Variants in ZSCAN32 observed in about 807,000 individuals in gnomAD.
The protein encoded by ZSCAN32 is zinc finger and SCAN domain-containing protein 32.
In ZSCAN32, 52 loss-of-function variants were observed where a neutral mutation model predicts 47.4. The observed-to-expected ratio is 1.10, with a 90% CI of 0.88 to 1.38. The LOEUF is 1.38. Among genes scored for constraint, ZSCAN32 ranks in the 40% most tolerant of loss-of-function variants. ZSCAN32 has a pLI of 0.00. For missense variants in ZSCAN32, 959 were observed against 846.0 expected (o/e 1.13, Z -1.66); for synonymous variants, 346 against 305.7 (o/e 1.13, Z -1.38).
In ZSCAN32 at chr16:3,393,744, G is replaced by A. The variant is rs1414377637; in HGVS notation, c.437C>T (p.Ser146Leu). Residue 146 changes from serine (S) to leucine (L), a missense_variant, in exon 3 of 7, where the codon TCA (serine) becomes TTA (leucine). Physicochemically the swap from Ser to Leu is moderately radical, Grantham distance 145. Transcript: ENST00000396852. ...CTCCTGTTTCCATTGGGATCTCAGT[G>A]ATTCTCTGGTTGCTCCCAAAGGGGC... ...EMAPLGATRE[S>L]LRSQWKQEVQ... 122 of 1,550,318 alleles carry A rather than the reference G, an allele frequency of 7.9e-5. No homozygotes were observed. Among genetic ancestry groups the A allele is most frequent in the Non-Finnish European group, 9.4e-5 (108 of 1,146,942 alleles).
Position 3,390,039 on chromosome 16 carries a change from G to T in ZSCAN32, c.722C>A (p.Thr241Asn). 1 of 1,613,700 alleles carries T rather than the reference G, an allele frequency of 6.2e-7. No individual in the cohort carries two copies. The highest frequency in any genetic ancestry group is 8.5e-7 in the Non-Finnish European group (1 of 1,179,844). ...PAQRALYRGA[T>N]QRKDSHVSLA... ...CGAGACGTGACTGTCCTTCCTCTGG[G>T]TGGCACCCCTGTAGAGGGCCCTTTG... Residue 241 changes from threonine to asparagine, a missense_variant, in exon 5 of 7, where the codon ACC becomes AAC. Thr to Asn is a moderately conservative substitution (Grantham distance 65, BLOSUM62 0). Transcript: ENST00000396852.
At chr16:3,398,444 G>A (rs2033580678) in intron 1 of ZSCAN32, among the ~76,000 whole-genome samples, 1 of 152,212 alleles carries the variant, frequency 6.6e-6, no homozygotes, top group Admixed American at 6.5e-5. Flanking sequence ...TTTCCGGGGA[G>A]GCTGACTTGA....
intron 3 of ZSCAN32, among the ~76,000 whole-genome samples, chr16:3,392,854 T>TA (rs1567318452): frequency 6.6e-6 from 1 of 151,116 alleles, no homozygotes; most frequent in Non-Finnish European, 1.5e-5. Flanking sequence ...AAAAGTTTTC[T>TA]AAAAAAATTA....
chr16:3,383,894 C>T, intron 6 of ZSCAN32, 183 bp from the exon 7 acceptor site: 3 of 754,172 alleles, frequency 4.0e-6, no homozygotes, highest in Non-Finnish European at 6.0e-6. Context: ...CAAATTATTA[C>T]AGGAAAATTA....
intron 1 of ZSCAN32, among the ~76,000 whole-genome samples, chr16:3,400,625 A>C (rs1320926475): frequency 6.6e-6 from 1 of 152,246 alleles, no homozygotes; most frequent in Admixed American, 6.5e-5. Flanking sequence ...TTGAGTACTC[A>C]GAACGCACTC....
At chr16:3,384,024 C>A in intron 6 of ZSCAN32, 1 of 429,498 alleles carries the variant, frequency 2.3e-6, no homozygotes, top group Non-Finnish European at 4.1e-6. Flanking sequence ...ACCCTCAATT[C>A]TTGAATGTTC....
rs112439120 is a variant in ZSCAN32, at chr16:3,383,014, A to G, written c.1932T>C (p.Asn644=). Residue 644 remains asparagine, a synonymous_variant, in exon 7 of 7, where the codon AAT becomes AAC. Coordinates refer to ENST00000396852, the MANE Select transcript of ZSCAN32 (RefSeq NM_001284527.2). ...TTCGGTGGGCACTGAAGTGGGAGCT[A>G]TTGTTGAAGATTTTCCCACACACTG... ...KCAVCGKIFN[N]SSHFSAHRKT... is the part of the protein sequence containing the mutation. The G allele has an allele frequency of 1.3e-4, 215 of 1,613,992 alleles. 4 individuals carry two copies. The African/African-American group carries it at 2.0e-3, about 15-fold the overall frequency.
intron 1 of ZSCAN32, among the ~76,000 whole-genome samples, chr16:3,398,855 CG>C (rs2150911837): frequency 6.6e-6 from 1 of 152,234 alleles, no homozygotes; most frequent in Non-Finnish European, 1.5e-5. Flanking sequence ...AGTGACTGTT[CG>C]GGTTTGCTGT....
chr16:3,389,458 G>T (rs1466593218), intron 5 of ZSCAN32, among the ~76,000 whole-genome samples: 2 of 152,184 alleles, frequency 1.3e-5, no homozygotes, highest in Non-Finnish European at 2.9e-5. Context: ...TGAGGAGGAG[G>T]CATTTGGCCC....
intron 5 of ZSCAN32, among the ~76,000 whole-genome samples, chr16:3,389,017 G>T (rs2032342868): frequency 6.6e-6 from 1 of 152,206 alleles, no homozygotes. Context: ...CACCTAATAA[G>T]TTAAAAATCA....
chr16:3,383,367 C>A lies in ZSCAN32; in HGVS notation c.1579G>T (p.Gly527Trp), dbSNP rs912916648. The change falls in exon 7 of 7, where the codon GGG becomes TGG. Residue 527 changes from glycine (G) to tryptophan (W), a missense_variant. Gly to Trp is a radical substitution (Grantham distance 184). Coordinates refer to ENST00000396852, the MANE Select transcript of ZSCAN32 (RefSeq NM_001284527.2). ...TAAGAACTTCGGCTAAAGGTTTTCC[C>A]ACATTCAGGACATTGAGATACTTTT... ...LEKVSQCPEC[G>W]KTFSRSSYLV... The A allele has an allele frequency of 6.2e-7, 1 of 1,614,208 alleles. No individual in the cohort carries two copies. The highest frequency in any genetic ancestry group is 1.3e-5 in the African/African-American group (1 of 75,048).
At chr16:3,385,782 C>T (rs2031905863) in intron 5 of ZSCAN32, among the ~76,000 whole-genome samples, 1 of 152,174 alleles carries the variant, frequency 6.6e-6, no homozygotes, top group Non-Finnish European at 1.5e-5. Context: ...ACACCTTATA[C>T]AAAAATTAAT....
chr16:3,397,668 T>G lies in ZSCAN32; in HGVS notation c.-111A>C, dbSNP rs1436104755. The G allele has an allele frequency of 7.3e-7, 1 of 1,374,008 alleles. No homozygotes were observed. The highest frequency in any genetic ancestry group is 2.9e-5 in the Admixed American group (1 of 34,928). 85.1% of individuals were successfully genotyped at this position (1,374,008 alleles called of 1,614,324 possible). A position where few individuals can be genotyped will look rare whatever the true frequency, so the allele number is the denominator to read the frequency against. On this transcript the variant is annotated 5_prime_UTR_variant, in exon 2 of 7. Coordinates refer to ENST00000396852, the MANE Select transcript of ZSCAN32 (RefSeq NM_001284527.2). ...TTCTCCTGCAAGGAATGTCTTTCTG[T>G]AATCCGTGGGACATGAGAGTGTCAG...
At chr16:3,389,931 C>T in intron 5 of ZSCAN32, 79 bp downstream of exon 5, 2 of 1,416,624 alleles carry the variant, frequency 1.4e-6, no homozygotes, top group Non-Finnish European at 1.9e-6. Context: ...CCCTCTGTCT[C>T]CCTCCCTCTC....
At position 3,383,483 on chromosome 16, in the gene ZSCAN32, C is replaced by T. The variant is rs754991232; in HGVS notation, c.1463G>A (p.Cys488Tyr). The T allele has an allele frequency of 3.3e-5, 53 of 1,614,106 alleles. 2 individuals carry two copies. In the South Asian group the frequency reaches 4.1e-4, roughly 12 times the overall value. ...SQEKMSHQSF[C>Y]ARDKACTHIL... The stretch of plus-strand genomic sequence containing the variant: ...ATGTGTACAGGCTTTGTCCCTGGCA[C>T]AAAAACTCTGGTGACTCATCTTCTC... The change falls in exon 7 of 7, where the codon TGT (cysteine) becomes TAT (tyrosine). Residue 488 changes from cysteine (C) to tyrosine (Y), a missense_variant. Transcript: ENST00000396852.
chr16:3,393,939 G>T, intron 2 of ZSCAN32, 125 bp from the exon 3 acceptor site: 1 of 730,628 alleles, frequency 1.4e-6, no homozygotes, highest in Non-Finnish European at 2.1e-6. Context: ...AGGAGCCACT[G>T]TATTGCTGCT....
At chr16:3,393,977 G>T (rs561081305) in intron 2 of ZSCAN32, among the ~76,000 whole-genome samples, 163 bp from the exon 3 acceptor site, 29 of 152,198 alleles carry the variant, frequency 1.9e-4, no homozygotes, top group Non-Finnish European at 3.5e-4. Context: ...AATAGAATTA[G>T]GTATTTGAGG....
intron 6 of ZSCAN32, 40 bp from the exon 7 acceptor site, chr16:3,383,751 G>A (rs920164051): frequency 6.5e-7 from 1 of 1,533,270 alleles, no homozygotes; most frequent in Non-Finnish European, 8.7e-7. Flanking sequence ...ATGGACTATA[G>A]AGAAGGAAAA....
At position 3,383,677 on chromosome 16, in the gene ZSCAN32, A is replaced by G; in HGVS notation, c.1269T>C (p.Asn423=). Residue 423 remains asparagine (N), a synonymous_variant, in exon 7 of 7, where the codon AAT becomes AAC. Transcript: ENST00000396852. ...CTTCCTCTGAATCATCCCATTTTAG[A>G]TTTTCTTTTTTAATCTCGTTCTTGA... ...FEFKNEIKKE[N]LKWDDSEEVE... 1.9e-6 allele frequency: 3 copies of G among 1,591,228 alleles called. No individual in the cohort carries two copies. The highest frequency in any genetic ancestry group is 2.6e-6 in the Non-Finnish European group (3 of 1,173,834).
Sources: allele counts gnomAD v4.1 joint callset (sites outside exome capture counted in the v4.1 genomes callset), GRCh38; gene constraint gnomAD v4.1.1; transcripts MANE v1.5; gene names NCBI Gene and HGNC (gene_info 2026-07-23, HGNC 2026-07-21).